TRRAP: variants seen among roughly 807,000 people sequenced by gnomAD.
TRRAP encodes transformation/transcription domain associated protein.
A neutral mutation model predicts 438.8 loss-of-function variants in TRRAP; 41 were observed. That is an observed-to-expected ratio of 0.09 (90% confidence interval 0.07 to 0.12). The LOEUF (loss-of-function observed/expected upper bound fraction) is 0.12. Ranked by LOEUF, TRRAP falls within the 10% of genes least tolerant of loss-of-function variation. The pLI is 1.00. For synonymous variants in TRRAP, 1,994 were observed against 1,962.9 expected, an observed-to-expected ratio of 1.02 and a Z score of -0.42; for missense variants, 3,122 against 5,055.1, an observed-to-expected ratio of 0.62 and a Z score of 11.60.
intron 18 of TRRAP, among the ~76,000 whole-genome samples, chr7:98,913,659 T>G (rs1229087391): frequency 3.3e-5 from 5 of 152,044 alleles, no homozygotes; most frequent in Admixed American, 1.3e-4. Context: ...TCAGGACTAT[T>G]TCTTTCTTTT....
chr7:98,964,559 G>A, intron 47 of TRRAP, 70 bp from the exon 48 acceptor site: 2 of 1,554,424 alleles, frequency 1.3e-6, no homozygotes, highest in South Asian at 2.4e-5. Flanking sequence ...TTTGAATAAT[G>A]TGTTGCTTTC....
At chr7:98,995,878 CA>C (rs1394108039) in intron 67 of TRRAP, among the ~76,000 whole-genome samples, 10 of 117,036 alleles carry the variant, frequency 8.5e-5, no homozygotes, top group African/African-American at 7.6e-4. Context: ...CATGTCCCAT[CA>C]TACACACCCC....
At chr7:98,890,915 C>G (rs1795939013) in intron 4 of TRRAP, among the ~76,000 whole-genome samples, 1 of 150,828 alleles carries the variant, frequency 6.6e-6, no homozygotes, top group Non-Finnish European at 1.5e-5. Flanking sequence ...CTCAGTCTCC[C>G]CAGTAGCTGG....
chr7:98,899,325 T>A, intron 8 of TRRAP, 97 bp from the exon 9 acceptor site: 1 of 967,444 alleles, frequency 1.0e-6, no homozygotes, highest in Non-Finnish European at 1.6e-6. Flanking sequence ...TGTTTTCCGT[T>A]CTCTCTCTTT....
Position 98,950,173 on chromosome 7 carries a change from A to G in TRRAP, c.5245A>G (p.Lys1749Glu), listed in dbSNP as rs371952758. The G allele has an allele frequency of 2.5e-6, 4 of 1,614,114 alleles. No individual in the cohort carries two copies. Among genetic ancestry groups the G allele is most frequent in the African/African-American group, 2.7e-5 (2 of 74,936 alleles). Residue 1749 changes from lysine to glutamate, a missense_variant, in exon 38 of 73, where the codon AAA (lysine) becomes GAA (glutamate). Transcript: ENST00000456197. ...AGAGTATATGGAGGAAGAGATTCCC[A>G]AAAATTACAGCATCGCTCAGAAACG... is the stretch of plus-strand genomic sequence containing the variant. ...LKEYMEEEIP[K>E]NYSIAQKRAL...
intron 58 of TRRAP, 101 bp from the exon 59 acceptor site, chr7:98,981,668 C>T: frequency 8.1e-7 from 1 of 1,235,648 alleles, no homozygotes; most frequent in East Asian, 2.7e-5. Context: ...TATTGCCTTG[C>T]ATACCTAGTG....
In TRRAP at chr7:98,889,045, C is replaced by CT. The variant is rs11326725; in HGVS notation, c.151-1269dup. On this transcript the variant is annotated intron_variant, in intron 3 of 72. Transcript: ENST00000456197. ...ATTTGAATCCACTTCCAAAACTTTACTTTTTTTTTTTTTTTTTTTTTGATA... is the reference window on the plus strand; with the variant it reads ...ATTTGAATCCACTTCCAAAACTTTACTTTTTTTTTTTTTTTTTTTTTTGATA... 1.1e-3 allele frequency among the ~76,000 whole-genome samples: 91 copies of CT among 82,420 alleles called. 1 individual carries two copies. The highest frequency in any genetic ancestry group is 7.6e-3 in the Middle Eastern group (1 of 132). The allele number at this position is 82,420 out of a possible 152,430, so 54.1% of individuals were successfully genotyped here.
Position 98,910,213 on chromosome 7 carries a change from T to TG in TRRAP, c.1508_1509insG (p.Ala505CysfsTer68). On this transcript the variant is annotated frameshift_variant, in exon 15 of 73. Transcript: ENST00000456197. LOFTEE classifies it high-confidence loss of function. ...GGCCCTGCTCCCTCCCCAGCCCCTG[T>TG]CCCTGCCCCACCTCCACCCCCGCCC... 3 of 1,538,376 alleles carry TG rather than the reference T, an allele frequency of 2.0e-6. No individual in the cohort carries two copies. Among genetic ancestry groups the TG allele is most frequent in the East Asian group, 2.4e-5 (1 of 42,552 alleles).
chr7:98,984,086 C>A lies in TRRAP; in HGVS notation c.9023-7C>A. The A allele has an allele frequency of 6.3e-7, 1 of 1,584,946 alleles. No individual in the cohort carries two copies. The highest frequency in any genetic ancestry group is 1.2e-5 in the South Asian group (1 of 85,628). On this transcript the variant is annotated splice_region_variant and splice_polypyrimidine_tract_variant and intron_variant, in intron 60 of 72. Transcript: ENST00000456197. Reference sequence around the variant, plus strand: ...GTGGGCTAATGATTCCTTTCTTTGCCCTCTAGCGATTGTAACTGCCTATGA... The same window carrying A: ...GTGGGCTAATGATTCCTTTCTTTGCACTCTAGCGATTGTAACTGCCTATGA...
chr7:98,950,028 T>C (rs368828784), intron 37 of TRRAP, 36 bp from the exon 38 acceptor site: 6 of 1,611,530 alleles, frequency 3.7e-6, no homozygotes, highest in Non-Finnish European at 4.2e-6. Flanking sequence ...TGAAATTTGC[T>C]CTAAGTTAAC....
intron 58 of TRRAP, 76 bp downstream of exon 58, chr7:98,978,980 T>C: frequency 6.3e-7 from 1 of 1,582,858 alleles, no homozygotes; most frequent in East Asian, 2.2e-5. Flanking sequence ...TTGGGAGATT[T>C]CCCTTAGAAC....
rs782203759 is a variant in TRRAP at position 98,950,120 on chromosome 7, G to A, written c.5192G>A (p.Arg1731His). Residue 1731 changes from arginine to histidine, a missense_variant, in exon 38 of 73, where the codon CGT (arginine) becomes CAT (histidine). Arg to His is a conservative substitution (Grantham distance 29). Coordinates refer to ENST00000456197, the MANE Select transcript of TRRAP (RefSeq NM_001375524.1). The stretch of plus-strand genomic sequence containing the variant: ...CAGCTGCTCCGAGCCTTTACTGGTC[G>A]TTTTCTCTGCAACATGACATTCTTA... Reference protein sequence around the residue: ...LFQLLRAFTGRFLCNMTFLKE... With the variant: ...LFQLLRAFTGHFLCNMTFLKE... The A allele has an allele frequency of 9.9e-6, 16 of 1,614,098 alleles. No individual in the cohort carries two copies. Among genetic ancestry groups the A allele is most frequent in the East Asian group, 4.5e-5 (2 of 44,904 alleles).
At chr7:98,997,109 C>T (rs1168775894) in intron 67 of TRRAP, among the ~76,000 whole-genome samples, 1 of 151,898 alleles carries the variant, frequency 6.6e-6, no homozygotes, top group East Asian at 1.9e-4. Context: ...AGTTCGAGAC[C>T]AGCCTGACCA....
chr7:98,931,277 A>G, intron 25 of TRRAP, 128 bp from the exon 26 acceptor site: 1 of 1,397,366 alleles, frequency 7.2e-7, no homozygotes, highest in Non-Finnish European at 9.6e-7. Context: ...AAGTCACCTC[A>G]TTAAAGCAGC....
Position 98,978,266 on chromosome 7 carries a change from G to A in TRRAP, c.8441G>A (p.Ser2814Asn), listed in dbSNP as rs768706920. The A allele has an allele frequency of 9.9e-6, 16 of 1,614,038 alleles. No homozygotes were observed. The African/African-American group carries it at 1.3e-4, about 13-fold the overall frequency. ...MDKAKKEHERSNASPAIFPEY... is the reference protein window; with the variant it reads ...MDKAKKEHERNNASPAIFPEY... ...AAAGCCAAAAAAGAACATGAGAGGA[G>A]TAACGCCTCCCCTGCTATTTTCCCT... The change falls in exon 57 of 73, where the codon AGT becomes AAT. Residue 2814 changes from serine to asparagine, a missense_variant. By Grantham distance (46) the Ser-to-Asn change is conservative. Coordinates refer to ENST00000456197, the MANE Select transcript of TRRAP (RefSeq NM_001375524.1).
intron 5 of TRRAP, among the ~76,000 whole-genome samples, chr7:98,893,307 A>C (rs1475363696): frequency 6.6e-6 from 1 of 152,068 alleles, no homozygotes; most frequent in African/African-American, 2.4e-5. Flanking sequence ...TGGAAAGATG[A>C]GCTTGGATTC....
intron 8 of TRRAP, 89 bp downstream of exon 8, chr7:98,897,955 T>G (rs1002827170): frequency 1.3e-6 from 2 of 1,583,692 alleles, no homozygotes; most frequent in African/African-American, 2.7e-5. Context: ...CTTAAATACT[T>G]GGAGGCATTT....
chr7:99,004,433 G>T lies in TRRAP; in HGVS notation c.10535+18G>T. 6.2e-7 allele frequency: 1 copy of T among 1,607,820 alleles called. No individual in the cohort carries two copies. Among genetic ancestry groups the T allele is most frequent in the Non-Finnish European group, 8.5e-7 (1 of 1,175,588 alleles). On this transcript the variant is annotated intron_variant, in intron 68 of 72. Coordinates refer to ENST00000456197, the MANE Select transcript of TRRAP (RefSeq NM_001375524.1). ...ATTGCACGGTGAGTGGGCCAGCCTG[G>T]CAGGTGGAACTAACCCACGGCGCCC... is the stretch of plus-strand genomic sequence containing the variant.
intron 28 of TRRAP, among the ~76,000 whole-genome samples, chr7:98,936,331 G>A (rs782205509): frequency 2.6e-5 from 4 of 152,190 alleles, no homozygotes; most frequent in African/African-American, 7.2e-5. Context: ...ATGGGGTGGA[G>A]TGTTCCAGAC....
Sources: gnomAD v4.1 joint callset for allele counts (sites outside exome capture counted in the v4.1 genomes callset) on GRCh38, gnomAD v4.1.1 for gene constraint, MANE v1.5 for transcripts, NCBI Gene and HGNC (gene_info 2026-07-23, HGNC 2026-07-21) for gene names.